The following LRRFIP1 variants were observed in gnomAD, a reference collection of about 807,000 sequenced individuals.
LRRFIP1 encodes LRR binding FLII interacting protein 1, also known as leucine-rich repeat flightless-interacting protein 1.
A neutral mutation model predicts 104.4 loss-of-function variants in LRRFIP1; 62 were observed. That is an observed-to-expected ratio of 0.59 (90% confidence interval 0.48 to 0.73). The LOEUF is 0.73. LRRFIP1 is among the 30% of genes least tolerant of loss of function. The pLI, the probability that LRRFIP1 is intolerant of heterozygous loss-of-function variation, is 0.00. For synonymous variants in LRRFIP1, 300 were observed against 299.0 expected, an observed-to-expected ratio of 1.00 and a Z score of -0.03; for missense variants, 796 against 824.5, an observed-to-expected ratio of 0.97 and a Z score of 0.42.
At chr2:237,771,688 C>T (rs537312844) in intron 20 of LRRFIP1, among the ~76,000 whole-genome samples, 11 of 152,096 alleles carry the variant, frequency 7.2e-5, no homozygotes, top group African/African-American at 1.7e-4. Context: ...CTGGCCTGGA[C>T]GCTGAGAAAG....
chr2:237,738,687 A>G (rs550668243), intron 10 of LRRFIP1, among the ~76,000 whole-genome samples: 1 of 152,360 alleles, frequency 6.6e-6, no homozygotes, highest in African/African-American at 2.4e-5. Context: ...GTTCAGGTAA[A>G]TGGATAGACA....
intron 4 of LRRFIP1, among the ~76,000 whole-genome samples, chr2:237,719,040 A>G (rs1461344039): frequency 6.6e-6 from 1 of 152,226 alleles, no homozygotes; most frequent in Non-Finnish European, 1.5e-5. Context: ...AGCAACTTGG[A>G]TTATAAGATA....
rs1373455604 is a variant in LRRFIP1, at chr2:237,781,377, C to T, written c.*1845C>T. Among the ~76,000 whole-genome samples the T allele has an allele frequency of 2.0e-5, 3 of 152,118 alleles. No homozygotes were observed. The highest frequency in any genetic ancestry group is 4.4e-5 in the Non-Finnish European group (3 of 68,026). ...CAAATCCACATTACAGATGAGGGAC[C>T]CAGGGTCCAGGAAGGTGAACTGGCA... On this transcript the variant is annotated 3_prime_UTR_variant, in exon 24 of 24. Coordinates refer to ENST00000308482, the MANE Select transcript of LRRFIP1 (RefSeq NM_001137550.2).
intron 11 of LRRFIP1, among the ~76,000 whole-genome samples, chr2:237,745,158 G>C (rs1274721179): frequency 6.6e-6 from 1 of 152,220 alleles, no homozygotes; most frequent in Non-Finnish European, 1.5e-5. Flanking sequence ...TGCGGCTTCT[G>C]TCCGGGCCCG....
chr2:237,664,007 C>T (rs551594081), intron 1 of LRRFIP1, among the ~76,000 whole-genome samples: 1 of 152,168 alleles, frequency 6.6e-6, no homozygotes, highest in South Asian at 2.1e-4. Flanking sequence ...GAGGAAGGGT[C>T]GCCCTCAGGG....
rs2094113590 is a variant in LRRFIP1 at position 237,711,904 on chromosome 2, A to T, written c.184-2355A>T. Among the ~76,000 whole-genome samples, 1 of 152,240 alleles carries T rather than the reference A, an allele frequency of 6.6e-6. No homozygotes were observed. The highest frequency in any genetic ancestry group is 2.1e-4 in the South Asian group (1 of 4,834). The stretch of plus-strand genomic sequence containing the variant: ...GCCAGCCCAGTCAGCCCAGCGCAGC[A>T]CGCGTTCCTAACGGCGGCAACGGTG... On this transcript the variant is annotated intron_variant, in intron 2 of 23. Coordinates refer to ENST00000308482, the MANE Select transcript of LRRFIP1 (RefSeq NM_001137550.2). The surrounding 1 kb of genome is among the most constrained non-coding windows in gnomAD (Gnocchi z 4.4).
At chr2:237,727,756 T>A (rs946716710) in intron 7 of LRRFIP1, 120 bp from the exon 8 acceptor site, 4 of 709,966 alleles carry the variant, frequency 5.6e-6, no homozygotes, top group African/African-American at 5.3e-5. Flanking sequence ...CCTGGACTGG[T>A]CATTCATCCG....
chr2:237,644,819 G>A (rs1205209593), intron 1 of LRRFIP1, among the ~76,000 whole-genome samples: 1 of 152,244 alleles, frequency 6.6e-6, no homozygotes, highest in Non-Finnish European at 1.5e-5. Flanking sequence ...TGCTTTTGAA[G>A]AGTAGCTCTT....
At chr2:237,737,965 C>G (rs562356355) in intron 10 of LRRFIP1, among the ~76,000 whole-genome samples, 34 of 152,326 alleles carry the variant, frequency 2.2e-4, no homozygotes, top group African/African-American at 8.2e-4. Context: ...TTTCAATTGA[C>G]ATTTGATGGT....
intron 19 of LRRFIP1, chr2:237,765,791 A>G (rs1379714228): frequency 1.0e-6 from 1 of 964,698 alleles, no homozygotes; most frequent in African/African-American, 1.8e-5. Context: ...ACATTTTATG[A>G]AATTATGTGG....
chr2:237,774,214 C>T (rs1233136619), intron 22 of LRRFIP1, 144 bp from the exon 23 acceptor site: 23 of 621,938 alleles, frequency 3.7e-5, no homozygotes, highest in Non-Finnish European at 5.4e-5. Flanking sequence ...CTCAAACCCA[C>T]ACCATAGTCC....
At chr2:237,635,708 C>T (rs1559438910) in intron 1 of LRRFIP1, among the ~76,000 whole-genome samples, 2 of 151,938 alleles carry the variant, frequency 1.3e-5, no homozygotes, top group South Asian at 4.1e-4. Context: ...GCCTGTAGTC[C>T]TAGCTATTTG....
At chr2:237,730,157 A>G (rs1002652049) in intron 8 of LRRFIP1, among the ~76,000 whole-genome samples, 3 of 152,220 alleles carry the variant, frequency 2.0e-5, no homozygotes, top group Non-Finnish European at 4.4e-5. Context: ...AATAATTAGA[A>G]GAATGCTCTT....
chr2:237,682,320 C>G (rs1455150784), intron 1 of LRRFIP1, among the ~76,000 whole-genome samples: 1 of 152,222 alleles, frequency 6.6e-6, no homozygotes, highest in Admixed American at 6.5e-5. Context: ...ACTTGCAGTC[C>G]TCCGGGCAGT....
intron 8 of LRRFIP1, 49 bp downstream of exon 8, chr2:237,727,984 A>G: frequency 5.1e-6 from 7 of 1,373,266 alleles, no homozygotes; most frequent in Non-Finnish European, 6.1e-6. Context: ...GGTTGTTTCA[A>G]AGCTTCTAGA....
intron 1 of LRRFIP1, among the ~76,000 whole-genome samples, chr2:237,680,922 A>G (rs886196935): frequency 2.0e-5 from 3 of 152,224 alleles, no homozygotes; most frequent in Non-Finnish European, 2.9e-5. Context: ...TGGAGGCTGT[A>G]GTGAGCCATG....
chr2:237,770,123 T>G (rs2060495265), intron 20 of LRRFIP1, 131 bp downstream of exon 20: 2 of 701,802 alleles, frequency 2.8e-6, no homozygotes, highest in Non-Finnish European at 5.1e-6. Flanking sequence ...AGCCAACTGG[T>G]GTTCTTAAGA....
chr2:237,640,630 G>A (rs1390148174), intron 1 of LRRFIP1, among the ~76,000 whole-genome samples: 3 of 151,998 alleles, frequency 2.0e-5, no homozygotes, highest in Non-Finnish European at 2.9e-5. Context: ...GATTAAAACC[G>A]TCCCCATATC....
Position 237,691,973 on chromosome 2 carries a change from G to A in LRRFIP1, c.97-16571G>A, listed in dbSNP as rs1318857096. Among the ~76,000 whole-genome samples the A allele has an allele frequency of 6.8e-6, 1 of 147,128 alleles. No individual in the cohort carries two copies. Among genetic ancestry groups the A allele is most frequent in the Non-Finnish European group, 1.5e-5 (1 of 66,116 alleles). On this transcript the variant is annotated intron_variant, in intron 1 of 23. Transcript: ENST00000308482. This position sits in a 1 kb window ranked among gnomAD's most constrained non-coding sequence, Gnocchi z 5.4. ...GGGACAGGCCGTGGGGCGGGGCCTG[G>A]GTGGGGCGGAGCCGGTGGGGGTGGG...
Sources: allele counts gnomAD v4.1 joint callset (sites outside exome capture counted in the v4.1 genomes callset), GRCh38; gene constraint gnomAD v4.1.1; non-coding constraint Gnocchi (gnomAD v3.1); transcripts MANE v1.5; gene names NCBI Gene and HGNC (gene_info 2026-07-23, HGNC 2026-07-21).